The following TLN2 variants were observed in gnomAD, a reference collection of about 807,000 sequenced individuals.
TLN2 encodes the protein talin-2.
TLN2 carries 118 observed loss-of-function variants against 294.7 expected under a neutral mutation model. The observed-to-expected ratio is 0.40, with a 90% confidence interval of 0.34 to 0.47. TLN2 has a LOEUF of 0.47. TLN2 is among the 20% of genes least tolerant of loss of function. The pLI, the probability that TLN2 is intolerant of heterozygous loss-of-function variation, is 0.84. For missense variants in TLN2, 3,083 were observed against 3,282.2 expected, an observed-to-expected ratio of 0.94 and a Z score of 1.48; for synonymous variants, 1,431 against 1,304.5, an observed-to-expected ratio of 1.10 and a Z score of -2.09.
At chr15:62,784,925 G>A (rs1382350738) in intron 45 of TLN2, 1 of 152,190 alleles carries the variant, frequency 6.6e-6, no homozygotes, top group Non-Finnish European at 1.5e-5. Flanking sequence ...CTGGGAGTCA[G>A]ATCTAAGTAT....
intron 43 of TLN2, 74 bp from the exon 44 acceptor site, chr15:62,781,066 C>G: frequency 8.5e-7 from 1 of 1,170,228 alleles, no homozygotes; most frequent in Non-Finnish European, 1.3e-6. Flanking sequence ...TTCAAAGTTC[C>G]TAATTCTCGT....
intron 7 of TLN2, among the ~76,000 whole-genome samples, chr15:62,655,203 G>A (rs1045366670): frequency 2.6e-5 from 4 of 152,128 alleles, no homozygotes; most frequent in Non-Finnish European, 4.4e-5. Context: ...TGGGAGACAC[G>A]TTTTGTGTAC....
chr15:62,679,656 T>C (rs77476272), intron 11 of TLN2, among the ~76,000 whole-genome samples: 3 of 152,220 alleles, frequency 2.0e-5, no homozygotes, highest in Non-Finnish European at 2.9e-5. Context: ...AGGGTTCTTT[T>C]TGATGTGTTA....
chr15:62,465,120 T>G (rs2037048049), intron 1 of TLN2, among the ~76,000 whole-genome samples: 1 of 151,392 alleles, frequency 6.6e-6, no homozygotes, highest in East Asian at 1.9e-4. Flanking sequence ...TTTTTTTTTT[T>G]TTTTTTTGGT....
intron 1 of TLN2, among the ~76,000 whole-genome samples, chr15:62,465,799 AT>A (rs951143482): frequency 7.6e-4 from 116 of 151,656 alleles, no homozygotes; most frequent in East Asian, 3.7e-3. Context: ...ATTGTAAAGC[AT>A]TTTTTTTTCT....
At chr15:62,675,625 A>G (rs914473563) in intron 11 of TLN2, among the ~76,000 whole-genome samples, 4 of 152,202 alleles carry the variant, frequency 2.6e-5, no homozygotes, top group African/African-American at 4.8e-5. Context: ...TCTCCTGACA[A>G]TGTTTCATTT....
chr15:62,481,490 G>A (rs899437373), intron 1 of TLN2, among the ~76,000 whole-genome samples: 5 of 152,174 alleles, frequency 3.3e-5, no homozygotes, highest in African/African-American at 1.2e-4. Flanking sequence ...AGCTTCTTGA[G>A]TAGCTGAAAC....
chr15:62,737,183 C>A, intron 29 of TLN2, 97 bp downstream of exon 29: 1 of 1,240,324 alleles, frequency 8.1e-7, no homozygotes, highest in Non-Finnish European at 1.1e-6. Flanking sequence ...GATATGAACA[C>A]TGACACAGCA....
At position 62,537,007 on chromosome 15, in the gene TLN2, CA is replaced by C. The variant is rs529278915; in HGVS notation, c.-237-52679del. Among the ~76,000 whole-genome samples, 178 of 149,794 alleles carry C rather than the reference CA, an allele frequency of 1.2e-3. 1 individual carries two copies. Among genetic ancestry groups the C allele is most frequent in the African/African-American group, 4.3e-3 (174 of 40,326 alleles). ...CACAGTGCTGCTGAACACTAGAACT[CA>C]CTCTGTCATTGTAGTGTTTTTTTTT... On this transcript the variant is annotated intron_variant, in intron 1 of 58. Coordinates refer to ENST00000636159, the MANE Select transcript of TLN2 (RefSeq NM_015059.3).
intron 9 of TLN2, among the ~76,000 whole-genome samples, chr15:62,661,569 T>C (rs2053834980): frequency 6.6e-6 from 1 of 152,142 alleles, no homozygotes; most frequent in Non-Finnish European, 1.5e-5. Flanking sequence ...ACGTATGGAA[T>C]AAGATATGGT....
chr15:62,414,164 C>CTATATATATATATATATA (rs780803268), intron 1 of TLN2, among the ~76,000 whole-genome samples: 15 of 90,622 alleles, frequency 1.7e-4, no homozygotes, highest in South Asian at 6.3e-4. Context: ...AAAAAAAAAA[C>CTATATATATATATATATA]TATATATATA....
chr15:62,459,692 G>A (rs1000982802), intron 1 of TLN2, among the ~76,000 whole-genome samples: 5 of 152,166 alleles, frequency 3.3e-5, no homozygotes, highest in Non-Finnish European at 5.9e-5. Context: ...CTAACTTTGA[G>A]TTGAGTCTTA....
chr15:62,631,502 T>TTTTC (rs146439322), intron 3 of TLN2, among the ~76,000 whole-genome samples: 156 of 139,714 alleles, frequency 1.1e-3, no homozygotes, highest in African/African-American at 3.9e-3. Flanking sequence ...TTTCTTCCTC[T>TTTTC]TTTCTTTCTT....
intron 54 of TLN2, among the ~76,000 whole-genome samples, chr15:62,825,582 G>A (rs1188768693): frequency 5.3e-5 from 8 of 149,794 alleles, no homozygotes; most frequent in African/African-American, 1.5e-4. Context: ...GGGCATGGTG[G>A]CTCACACCTG....
chr15:62,753,402 C>T (rs1288181402), intron 35 of TLN2, among the ~76,000 whole-genome samples: 1 of 152,212 alleles, frequency 6.6e-6, no homozygotes, highest in African/African-American at 2.4e-5. Context: ...TGTGCCTCTC[C>T]TGTCTGCCAG....
intron 57 of TLN2, among the ~76,000 whole-genome samples, chr15:62,837,031 T>C (rs547787161): frequency 6.6e-6 from 1 of 152,360 alleles, no homozygotes; most frequent in South Asian, 2.1e-4. Flanking sequence ...TTTGGACATT[T>C]TGTTTCCAAT....
chr15:62,722,564 C>A, intron 26 of TLN2, 77 bp downstream of exon 26: 1 of 1,443,530 alleles, frequency 6.9e-7, no homozygotes, highest in Non-Finnish European at 9.2e-7. Context: ...AGGGCCTGAA[C>A]ACTGCTGAAC....
chr15:62,581,786 G>A (rs1025283310), intron 1 of TLN2, among the ~76,000 whole-genome samples: 1 of 152,158 alleles, frequency 6.6e-6, no homozygotes, highest in African/African-American at 2.4e-5. Context: ...GCTCACACCT[G>A]TAATCCCAGC....
chr15:62,411,963 G>T (rs1399287164), intron 1 of TLN2, among the ~76,000 whole-genome samples: 1 of 152,198 alleles, frequency 6.6e-6, no homozygotes, highest in African/African-American at 2.4e-5. Context: ...ATTCATCTGA[G>T]TACTAACTCA....
Sources: gnomAD v4.1 joint callset for allele counts (sites outside exome capture counted in the v4.1 genomes callset) on GRCh38, gnomAD v4.1.1 for gene constraint, MANE v1.5 for transcripts, NCBI Gene and HGNC (gene_info 2026-07-23, HGNC 2026-07-21) for gene names.